IST1: variants seen among roughly 807,000 people sequenced by gnomAD.
IST1 encodes the protein IST1 factor associated with ESCRT-III.
Under a neutral mutation model 37.0 loss-of-function variants are expected in IST1, and 23 were observed. The ratio of observed to expected loss-of-function variants is 0.62; its 90% CI spans 0.45 to 0.88. IST1 has a LOEUF of 0.88. IST1 is among the 40% of genes least tolerant of loss of function. IST1 has a pLI of 0.00. For missense variants in IST1, 488 were observed against 445.4 expected (o/e 1.10, Z -0.86); for synonymous variants, 180 against 161.7 (o/e 1.11, Z -0.86).
chr16:71,924,681 T>C (rs2037695168), intron 8 of IST1, 88 bp from the exon 9 acceptor site: 2 of 1,013,492 alleles, frequency 2.0e-6, no homozygotes, highest in African/African-American at 3.2e-5. Flanking sequence ...GGTGAGCAAC[T>C]TAACTTTTGG....
intron 1 of IST1, among the ~76,000 whole-genome samples, chr16:71,910,392 G>A (rs1297130687): frequency 6.6e-6 from 1 of 152,062 alleles, no homozygotes; most frequent in African/African-American, 2.4e-5. Flanking sequence ...GGATTACAAA[G>A]TCAGGAGATC....
chr16:71,914,449 C>T (rs997327076), intron 1 of IST1, among the ~76,000 whole-genome samples: 20 of 152,102 alleles, frequency 1.3e-4, no homozygotes, highest in South Asian at 6.2e-4. Flanking sequence ...TGTGAGCCGC[C>T]GCACCCAGCA....
chr16:71,895,252 T>TTGATTCTC (rs2036937837), upstream of IST1: 1 of 158,120 alleles, frequency 6.3e-6, no homozygotes, highest in Non-Finnish European at 1.4e-5. Context: ...TCAACAGCTG[T>TTGATTCTC]GGCTGGCCTC....
At position 71,922,582 on chromosome 16, in the gene IST1, G is replaced by C. The variant is rs766886282; in HGVS notation, c.661G>C (p.Val221Leu). 3 of 1,613,806 alleles carry C rather than the reference G, an allele frequency of 1.9e-6. No homozygotes were observed. In the Admixed American group the frequency reaches 5.0e-5, roughly 27 times the overall value. The change falls in exon 7 of 10, where the codon GTT (valine) becomes CTT (leucine). Residue 221 changes from valine to leucine, a missense_variant. This residue lies in a region of IST1 where 455 missense variants were observed against 386.2 expected (regional missense o/e 1.18). Coordinates refer to ENST00000378799, the MANE Select transcript of IST1 (RefSeq NM_001270975.2). ...AGGGAGTGGTGGCTTCACAGCACCAGTTGGTGGACCTGATGGAACGGTGCC... is the reference window on the plus strand; with the variant it reads ...AGGGAGTGGTGGCTTCACAGCACCACTTGGTGGACCTGATGGAACGGTGCC... ...RGGSGGFTAP[V>L]GGPDGTVPMP...
chr16:71,897,034 C>T (rs1597226941), intron 1 of IST1, among the ~76,000 whole-genome samples: 1 of 151,436 alleles, frequency 6.6e-6, no homozygotes, highest in African/African-American at 2.4e-5. Context: ...TGTTTTTGTT[C>T]TGCAGACGGG....
chr16:71,914,770 C>A (rs962871095), intron 1 of IST1, among the ~76,000 whole-genome samples: 1 of 152,074 alleles, frequency 6.6e-6, no homozygotes, highest in African/African-American at 2.4e-5. Context: ...TTTGTCTGTT[C>A]TTCAGTTACT....
chr16:71,911,562 A>G (rs1006274425), intron 1 of IST1, among the ~76,000 whole-genome samples: 3 of 152,096 alleles, frequency 2.0e-5, no homozygotes, highest in African/African-American at 7.2e-5. Context: ...AAAACAAAAC[A>G]AAACTACTGC....
intron 2 of IST1, 45 bp from the exon 3 acceptor site, chr16:71,916,417 C>G (rs909712327): frequency 1.9e-6 from 3 of 1,592,494 alleles, no homozygotes; most frequent in Middle Eastern, 2.3e-4. Context: ...AGGCCAGATG[C>G]AAGTGCTCTA....
In IST1 at chr16:71,922,515, T is replaced by G. The variant is rs778598385; in HGVS notation, c.594T>G (p.Val198=). The part of the protein sequence containing the change: ...PPGVETDLID[V]GFTDDVKKGG... ...GGGTAGAGACAGATCTTATTGATGT[T>G]GGATTCACAGATGATGTGAAGAAAG... is the stretch of plus-strand genomic sequence containing the variant. Residue 198 remains valine, a synonymous_variant, in exon 7 of 10, where the codon GTT becomes GTG. Transcript: ENST00000378799. 2 of 1,614,078 alleles carry G rather than the reference T, an allele frequency of 1.2e-6. No individual in the cohort carries two copies. Among genetic ancestry groups the G allele is most frequent in the East Asian group, 4.5e-5 (2 of 44,894 alleles).
intron 6 of IST1, 62 bp from the exon 7 acceptor site, chr16:71,922,412 G>C (rs536498891): frequency 1.2e-5 from 17 of 1,413,132 alleles, no homozygotes; most frequent in Non-Finnish European, 1.6e-5. Context: ...CTCAGACTCC[G>C]CTTTCTGGGG....
intron 7 of IST1, 165 bp downstream of exon 7, chr16:71,922,845 A>G: frequency 1.6e-6 from 1 of 638,044 alleles, no homozygotes; most frequent in East Asian, 2.7e-5. Context: ...TTGGATTCAG[A>G]GAAGGTCTTC....
chr16:71,904,502 T>C lies in IST1; in HGVS notation c.-16+8913T>C, dbSNP rs528377078. 8.4e-4 allele frequency among the ~76,000 whole-genome samples: 128 copies of C among 152,304 alleles called. 1 individual carries two copies. The highest frequency in any genetic ancestry group is 3.0e-3 in the African/African-American group (125 of 41,564). ...AACATGGCTGTCTGCAGCCTTGACC[T>C]CCTGGGCTTAAGCAGTTCTCCCACT... is the stretch of plus-strand genomic sequence containing the variant. On this transcript the variant is annotated intron_variant, in intron 1 of 9. Transcript: ENST00000378799.
upstream of IST1, chr16:71,894,743 C>T: frequency 2.6e-6 from 2 of 760,234 alleles, no homozygotes; most frequent in East Asian, 3.0e-5. Flanking sequence ...ACTATGGTGT[C>T]CAGGCTGGTC....
rs930605319 is a variant in IST1, at chr16:71,927,541, T to G, written c.902-73T>G. The stretch of plus-strand genomic sequence containing the variant: ...GGTTTTCTCCTGTGTTTTGATCATT[T>G]TATTTTTACTGCCAAAGGGGATCTG... On this transcript the variant is annotated intron_variant, in intron 9 of 9. Transcript: ENST00000378799. 4 of 1,119,838 alleles carry G rather than the reference T, an allele frequency of 3.6e-6. No homozygotes were observed. The East Asian group carries it at 9.4e-5, about 26-fold the overall frequency. The allele number at this position is 1,119,838 out of a possible 1,614,324, so 69.4% of individuals were successfully genotyped here.
intron 1 of IST1, among the ~76,000 whole-genome samples, chr16:71,898,430 T>A (rs2037027172): frequency 6.8e-6 from 1 of 147,378 alleles, no homozygotes. Context: ...ATGCCTGTAA[T>A]CCCAGCACTT....
chr16:71,922,710 T>C (rs1194592243), intron 7 of IST1, 30 bp downstream of exon 7: 3 of 966,830 alleles, frequency 3.1e-6, no homozygotes, highest in East Asian at 1.1e-4. Flanking sequence ...GATGTAAGCT[T>C]TAGAAAATGT....
In IST1 at chr16:71,916,548, A is replaced by C. The variant is rs756436088; in HGVS notation, c.175A>C (p.Ile59Leu). 5.0e-6 allele frequency: 8 copies of C among 1,613,824 alleles called. No homozygotes were observed. Among genetic ancestry groups the C allele is most frequent in the Non-Finnish European group, 6.8e-6 (8 of 1,179,844 alleles). Residue 59 changes from isoleucine (I) to leucine (L), a missense_variant, in exon 3 of 10, where the codon ATT becomes CTT. By Grantham distance (5) the Ile-to-Leu change is conservative. This residue lies in a region of IST1 where 455 missense variants were observed against 386.2 expected (regional missense o/e 1.18). Coordinates refer to ENST00000378799, the MANE Select transcript of IST1 (RefSeq NM_001270975.2). ...ACGAGCTCGGATCCGTGTGGAGCAC[A>C]TTATCCGGGAAGACTACCTCGTGGA... ...DERARIRVEH[I>L]IREDYLVEAM...
chr16:71,902,541 A>G lies in IST1; in HGVS notation c.-16+6952A>G, dbSNP rs184177416. Among the ~76,000 whole-genome samples the G allele has an allele frequency of 1.4e-4, 22 of 152,340 alleles. 1 individual carries two copies. Among genetic ancestry groups the G allele is most frequent in the African/African-American group, 5.1e-4 (21 of 41,582 alleles). ...CGCCTCGGCTTCCCAAAGTGCTGGG[A>G]TTATAGGCGTAAGCCACCGCGCCCA... is the stretch of plus-strand genomic sequence containing the variant. On this transcript the variant is annotated intron_variant, in intron 1 of 9. Transcript: ENST00000378799.
intron 1 of IST1, among the ~76,000 whole-genome samples, chr16:71,905,117 C>T (rs1437324381): frequency 6.6e-6 from 1 of 151,962 alleles, no homozygotes; most frequent in South Asian, 2.1e-4. Context: ...CTCACTGCAG[C>T]CTCTGCCTCC....
Sources: allele counts gnomAD v4.1 joint callset (sites outside exome capture counted in the v4.1 genomes callset), GRCh38; gene constraint gnomAD v4.1.1; regional missense constraint gnomAD v4.1.1; transcripts MANE v1.5; gene names NCBI Gene and HGNC (gene_info 2026-07-23, HGNC 2026-07-21).